ZNF418: variants seen among roughly 807,000 people sequenced by gnomAD.
The protein encoded by ZNF418 is zinc finger protein 418.
ZNF418 carries 32 observed loss-of-function variants against 32.0 expected under a neutral mutation model. The ratio of observed to expected loss-of-function variants is 1.00; its 90% CI spans 0.75 to 1.34. ZNF418 has a LOEUF of 1.34. Ranked by LOEUF, ZNF418 falls within the 40% of genes most tolerant of loss-of-function variation. The probability of loss-of-function intolerance (pLI) is 0.00; values close to 1 mark genes in which losing one functional copy is unlikely to be tolerated. For synonymous variants in ZNF418, 276 were observed against 270.7 expected (o/e 1.02, Z -0.19); for missense variants, 804 against 812.5 (o/e 0.99, Z 0.13).
At chr19:57,929,746 G>A (rs887815997) in intron 3 of ZNF418, among the ~76,000 whole-genome samples, 3 of 151,202 alleles carry the variant, frequency 2.0e-5, no homozygotes, top group East Asian at 1.9e-4. Context: ...GCAGTGGTGC[G>A]ATCTCAGCTC....
chr19:57,925,460 CA>C (rs34948790), intron 4 of ZNF418, among the ~76,000 whole-genome samples, 162 bp downstream of exon 4: 38,350 of 117,906 alleles, frequency 0.33, 5,101 homozygotes, highest in Middle Eastern at 0.38. Context: ...GACTCTGTCT[CA>C]AAAAAAAAAA....
chr19:57,929,144 G>C (rs1275166572), intron 3 of ZNF418, among the ~76,000 whole-genome samples: 2 of 152,186 alleles, frequency 1.3e-5, no homozygotes, highest in Non-Finnish European at 2.9e-5. Context: ...GATTCGTTGG[G>C]GGATGGACAT....
rs2072650986 is a variant in ZNF418 at position 57,935,213 on chromosome 19, C to G, written c.-133G>C. On this transcript the variant is annotated 5_prime_UTR_variant, in exon 1 of 6. Transcript: ENST00000396147. ...CGCCATCCCGAGTACGCGGGGAAAG[C>G]ACTGCCGGGAGCGGCGGGCGCCGTT... is the stretch of plus-strand genomic sequence containing the variant. 1 of 1,270,636 alleles carries G rather than the reference C, an allele frequency of 7.9e-7. No homozygotes were observed. Among genetic ancestry groups the G allele is most frequent in the Non-Finnish European group, 1.0e-6 (1 of 991,658 alleles). 78.7% of individuals were successfully genotyped at this position (1,270,636 alleles called of 1,614,324 possible).
intron 2 of ZNF418, chr19:57,932,648 T>A: frequency 7.0e-7 from 1 of 1,427,428 alleles, no homozygotes; most frequent in Non-Finnish European, 9.1e-7. Context: ...GAGAATGGTC[T>A]AAGAAAAGTG....
chr19:57,927,455 A>C lies in ZNF418; in HGVS notation c.726T>G (p.Tyr242Ter). 6.2e-7 allele frequency: 1 copy of C among 1,614,164 alleles called. No homozygotes were observed. The highest frequency in any genetic ancestry group is 8.5e-7 in the Non-Finnish European group (1 of 1,180,016). Reference sequence around the variant, plus strand: ...CTCTCTGATGATTACTGACGCTATCATATTTGCTAAAGGATTTCCCACATT... The same window carrying C: ...CTCTCTGATGATTACTGACGCTATCCTATTTGCTAAAGGATTTCCCACATT... Reference protein sequence around the residue: ...CWECGKSFSKYDSVSNHQRVH... With the variant: ...CWECGKSFSK The change falls in exon 4 of 6, where the codon TAT (tyrosine) becomes TAG (stop). Residue 242 changes from tyrosine (Y) to a stop codon, truncating the protein, a stop_gained. Coordinates refer to ENST00000396147, the MANE Select transcript of ZNF418 (RefSeq NM_133460.3). LOFTEE classifies it high-confidence loss of function.
Position 57,926,875 on chromosome 19 carries a change from T to A in ZNF418, c.1306A>T (p.Ser436Cys), listed in dbSNP as rs769609491. 3.7e-6 allele frequency: 6 copies of A among 1,613,916 alleles called. No individual in the cohort carries two copies. The highest frequency in any genetic ancestry group is 1.7e-5 in the Admixed American group (1 of 59,988). The change falls in exon 4 of 6, where the codon AGT (serine) becomes TGT (cysteine). Residue 436 changes from serine to cysteine, a missense_variant. Around this residue, in one of 3 missense-constraint regions of ZNF418, gnomAD observed 475 missense variants for 458.6 expected, o/e 1.04. Coordinates refer to ENST00000396147, the MANE Select transcript of ZNF418 (RefSeq NM_133460.3). ...YECGECGKSF[S>C]RKGNLIQHQR... Reference sequence around the variant, plus strand: ...TGCTGAATGAGGTTGCCCTTTCGACTAAAAGATTTCCCACATTCTCCACAC... The same window carrying A: ...TGCTGAATGAGGTTGCCCTTTCGACAAAAAGATTTCCCACATTCTCCACAC...
chr19:57,924,469 A>T lies in ZNF418; in HGVS notation c.*527+1154T>A, dbSNP rs554090875. Among the ~76,000 whole-genome samples, 149 of 152,298 alleles carry T rather than the reference A, an allele frequency of 9.8e-4. 3 individuals carry two copies. The highest frequency in any genetic ancestry group is 3.5e-3 in the African/African-American group (147 of 41,556). On this transcript the variant is annotated intron_variant, in intron 4 of 5. Transcript: ENST00000396147. ...TTGACAATGGCCTCAGCTACACAAGATTCATAATTATGGAGGTTCTGAGAA... is the reference window on the plus strand; with the variant it reads ...TTGACAATGGCCTCAGCTACACAAGTTTCATAATTATGGAGGTTCTGAGAA...
At chr19:57,931,065 G>A (rs868420529) in intron 2 of ZNF418, among the ~76,000 whole-genome samples, 6 of 151,574 alleles carry the variant, frequency 4.0e-5, no homozygotes, top group Non-Finnish European at 7.4e-5. Flanking sequence ...GTGAGCCACC[G>A]TGCCCGGCTA....
At position 57,927,669 on chromosome 19, in the gene ZNF418, C is replaced by T. The variant is rs202163107; in HGVS notation, c.512G>A (p.Ser171Asn). 6.2e-7 allele frequency: 1 copy of T among 1,613,950 alleles called. No homozygotes were observed. The highest frequency in any genetic ancestry group is 2.2e-5 in the East Asian group (1 of 44,900). Reference sequence around the variant, plus strand: ...GGCCTCCTGCAGCAGTAATCCTGAGCTGGGCAAAAAGTCCTTTCCACTCTG... The same window carrying T: ...GGCCTCCTGCAGCAGTAATCCTGAGTTGGGCAAAAAGTCCTTTCCACTCTG... The part of the protein sequence containing the change: ...FIQSGKDFLP[S>N]SGLLLQEATH... Residue 171 changes from serine to asparagine, a missense_variant, in exon 4 of 6, where the codon AGC (serine) becomes AAC (asparagine). Transcript: ENST00000396147.
chr19:57,926,671 G>T lies in ZNF418; in HGVS notation c.1510C>A (p.His504Asn). 1 of 1,614,116 alleles carries T rather than the reference G, an allele frequency of 6.2e-7. No homozygotes were observed. Among genetic ancestry groups the T allele is most frequent in the South Asian group, 1.1e-5 (1 of 91,082 alleles). ...CACTCAAACGGTTTTTCTCCAGTGT[G>T]AACTCTCTGATGAACACGAAACCCA... is the stretch of plus-strand genomic sequence containing the variant. ...SSGFRVHQRV[H>N]TGEKPFECSE... Residue 504 changes from histidine to asparagine, a missense_variant, in exon 4 of 6, where the codon CAC becomes AAC. Physicochemically the swap from His to Asn is moderately conservative, Grantham distance 68 (BLOSUM62 1). Transcript: ENST00000396147.
intron 4 of ZNF418, among the ~76,000 whole-genome samples, chr19:57,925,177 C>A (rs996434368): frequency 6.6e-6 from 1 of 151,978 alleles, no homozygotes; most frequent in African/African-American, 2.4e-5. Context: ...TCACATGAGA[C>A]CCGCTGGGTG....
chr19:57,934,654 C>T (rs1003471325), intron 1 of ZNF418, among the ~76,000 whole-genome samples: 1 of 152,160 alleles, frequency 6.6e-6, no homozygotes, highest in Non-Finnish European at 1.5e-5. Context: ...GACTGGTTGA[C>T]CTGCGTGTCT....
At chr19:57,934,657 G>A (rs2072621588) in intron 1 of ZNF418, among the ~76,000 whole-genome samples, 1 of 152,140 alleles carries the variant, frequency 6.6e-6, no homozygotes, top group African/African-American at 2.4e-5. Context: ...TGGTTGACCT[G>A]CGTGTCTCAG....
In ZNF418 at chr19:57,927,722, A is replaced by G. The variant is rs148118518; in HGVS notation, c.459T>C (p.His153=). The change falls in exon 4 of 6, where the codon CAT becomes CAC. Residue 153 remains histidine, a synonymous_variant. Coordinates refer to ENST00000396147, the MANE Select transcript of ZNF418 (RefSeq NM_133460.3). ...TGAAGATAGATGACTCCTCTGACAC[A>G]TGGAACTTACACCTCTTCACAAACA... ...EALFVKRCKF[H]VSEESSIFIQ... is the part of the protein sequence containing the mutation. 85 of 1,614,212 alleles carry G rather than the reference A, an allele frequency of 5.3e-5. No individual in the cohort carries two copies. In the African/African-American group the frequency reaches 9.3e-4, roughly 18 times the overall value.
chr19:57,933,554 A>G (rs1182426406), intron 2 of ZNF418, among the ~76,000 whole-genome samples: 1 of 152,150 alleles, frequency 6.6e-6, no homozygotes, highest in Non-Finnish European at 1.5e-5. Context: ...AACCGTCTCT[A>G]CTAAAAAATC....
chr19:57,932,638 G>C (rs2072530481), intron 2 of ZNF418: 15 of 1,444,398 alleles, frequency 1.0e-5, no homozygotes, highest in Non-Finnish European at 1.4e-5. Flanking sequence ...CCTTGTTATG[G>C]AGAATGGTCT....
At chr19:57,925,317 T>C (rs992061018) in intron 4 of ZNF418, among the ~76,000 whole-genome samples, 13 of 151,944 alleles carry the variant, frequency 8.6e-5, no homozygotes, top group East Asian at 1.9e-4. Context: ...AAAAATTAGC[T>C]GGGCATGGTG....
chr19:57,930,666 A>G (rs2072449289), intron 2 of ZNF418, 112 bp from the exon 3 acceptor site: 1 of 1,495,376 alleles, frequency 6.7e-7, no homozygotes, highest in Non-Finnish European at 9.1e-7. Context: ...GATCCTCAGC[A>G]CAGAGGAGAA....
chr19:57,931,671 A>G (rs931598197), intron 2 of ZNF418, among the ~76,000 whole-genome samples: 1 of 152,204 alleles, frequency 6.6e-6, no homozygotes, highest in Admixed American at 6.5e-5. Flanking sequence ...ATCATGGCTC[A>G]TGGAAAGTTC....
Sources: gnomAD v4.1 joint callset for allele counts (sites outside exome capture counted in the v4.1 genomes callset) on GRCh38, gnomAD v4.1.1 for gene constraint, gnomAD v4.1.1 regional missense constraint, MANE v1.5 for transcripts, NCBI Gene and HGNC (gene_info 2026-07-23, HGNC 2026-07-21) for gene names.